THTPA: variants seen among roughly 807,000 people sequenced by gnomAD.
The protein encoded by THTPA is thiamine-triphosphatase.
THTPA carries 16 observed loss-of-function variants against 16.5 expected under a neutral mutation model. That is an observed-to-expected ratio of 0.97 (90% confidence interval 0.66 to 1.47). The LOEUF (loss-of-function observed/expected upper bound fraction) is 1.47. THTPA is among the 40% of genes most tolerant of loss of function. The pLI is 0.00. For synonymous variants in THTPA, 110 were observed against 115.5 expected (o/e 0.95, Z 0.30); for missense variants, 281 against 280.9 (o/e 1.00, Z 0.00).
the THTPA span, chr14:23,526,873 G>C: frequency 6.5e-7 from 1 of 1,533,798 alleles, no homozygotes; most frequent in Non-Finnish European, 8.7e-7. Context: ...GCTCGGTGTA[G>C]GCTCTGGCCC....
upstream of THTPA, among the ~76,000 whole-genome samples, chr14:23,554,717 T>C (rs1360414566): frequency 6.6e-6 from 1 of 151,924 alleles, no homozygotes; most frequent in East Asian, 1.9e-4. Flanking sequence ...CCAGTGTCCT[T>C]CTCCCTATAA....
chr14:23,536,105 C>T, the THTPA span, among the ~76,000 whole-genome samples: 1 of 152,186 alleles, frequency 6.6e-6, no homozygotes, highest in South Asian at 2.1e-4. Flanking sequence ...CGCTGAAATC[C>T]GGGCAGCACA....
upstream of THTPA, among the ~76,000 whole-genome samples, chr14:23,552,193 G>T (rs1378576388): frequency 6.6e-6 from 1 of 151,856 alleles, no homozygotes; most frequent in Non-Finnish European, 1.5e-5. Context: ...GAGAGCTTCT[G>T]CCTCCTCCAC....
At chr14:23,543,373 A>G in the THTPA span, 4 of 152,382 alleles carry the variant, frequency 2.6e-5, no homozygotes, top group South Asian at 2.1e-4. Flanking sequence ...GCCTGATGTC[A>G]GTACCTCTGC....
At chr14:23,531,501 T>C in the THTPA span, 4 of 1,439,104 alleles carry the variant, frequency 2.8e-6, no homozygotes, top group East Asian at 7.9e-5. Context: ...GAGCTGCCCG[T>C]GGCTGAAGCT....
chr14:23,546,243 G>A, the THTPA span, among the ~76,000 whole-genome samples: 16 of 152,306 alleles, frequency 1.1e-4, no homozygotes, highest in Non-Finnish European at 7.4e-5. This position sits in a 1 kb window ranked among gnomAD's most constrained non-coding sequence, Gnocchi z 4.7. Flanking sequence ...CGACATTCCA[G>A]TTGATGGTCC....
the THTPA span, chr14:23,533,441 G>C: frequency 5.2e-6 from 8 of 1,531,664 alleles, no homozygotes; most frequent in East Asian, 7.3e-5. The surrounding 1 kb of genome is among the most constrained non-coding windows in gnomAD (Gnocchi z 4.8). Context: ...AAGAGTTCAG[G>C]GGGGCTAGTG....
the THTPA span, chr14:23,531,844 C>A: frequency 5.0e-6 from 6 of 1,195,678 alleles, no homozygotes; most frequent in Non-Finnish European, 6.3e-6. Context: ...GTGGCATGAT[C>A]TCTACTCACT....
At chr14:23,523,543 A>C in the THTPA span, 5 of 1,536,748 alleles carry the variant, frequency 3.3e-6, no homozygotes, top group African/African-American at 2.7e-5. This position sits in a 1 kb window ranked among gnomAD's most constrained non-coding sequence, Gnocchi z 4.1. Flanking sequence ...TGCTGCCCCC[A>C]GTGCTCCCAG....
upstream of THTPA, among the ~76,000 whole-genome samples, chr14:23,552,288 A>ATTTT (rs891218317): frequency 7.5e-6 from 1 of 133,994 alleles, no homozygotes. Context: ...GTGCTCCTGA[A>ATTTT]TTTTTTTTTT....
chr14:23,524,377 G>A, the THTPA span: 8 of 1,536,196 alleles, frequency 5.2e-6, no homozygotes, highest in Non-Finnish European at 7.0e-6. This position sits in a 1 kb window ranked among gnomAD's most constrained non-coding sequence, Gnocchi z 5.6. Flanking sequence ...GCTTGTCCCT[G>A]GGGGGCTCGC....
At chr14:23,528,064 C>T in the THTPA span, among the ~76,000 whole-genome samples, 15 of 152,208 alleles carry the variant, frequency 9.9e-5, no homozygotes, top group East Asian at 9.7e-4. Context: ...TGTGCAACCA[C>T]GCCCAGCTAA....
At chr14:23,539,984 A>T in the THTPA span, among the ~76,000 whole-genome samples, 9 of 152,156 alleles carry the variant, frequency 5.9e-5, no homozygotes, top group African/African-American at 2.2e-4. Context: ...AGGGCCTTCC[A>T]AACAGTTGTT....
At chr14:23,544,928 C>T in the THTPA span, among the ~76,000 whole-genome samples, 2 of 152,040 alleles carry the variant, frequency 1.3e-5, no homozygotes, top group Non-Finnish European at 2.9e-5. Context: ...GTTCTTTTCC[C>T]TGGCCGTTTT....
chr14:23,553,335 C>T (rs1345053505), upstream of THTPA, among the ~76,000 whole-genome samples: 1 of 151,838 alleles, frequency 6.6e-6, no homozygotes, highest in Non-Finnish European at 1.5e-5. Context: ...CATGGTGGCT[C>T]ACTCCTGTAA....
At chr14:23,535,835 G>A in the THTPA span, among the ~76,000 whole-genome samples, 1 of 151,928 alleles carries the variant, frequency 6.6e-6, no homozygotes, top group Non-Finnish European at 1.5e-5. This position sits in a 1 kb window ranked among gnomAD's most constrained non-coding sequence, Gnocchi z 4.5. Context: ...CAAGTGATCC[G>A]CCCACCTCGG....
chr14:23,553,297 C>T (rs1020298924), upstream of THTPA, among the ~76,000 whole-genome samples: 1 of 152,174 alleles, frequency 6.6e-6, no homozygotes, highest in Non-Finnish European at 1.5e-5. Context: ...GCCACATTTT[C>T]TCAATGAAAA....
intron 1 of THTPA, among the ~76,000 whole-genome samples, chr14:23,558,394 C>T (rs116126673): frequency 2.6e-5 from 4 of 152,322 alleles, no homozygotes; most frequent in South Asian, 2.1e-4. Context: ...AATGAGCTGA[C>T]GCTGAGGCAT....
In THTPA at chr14:23,560,235, G is replaced by C. The variant is rs758012732; in HGVS notation, c.*1395G>C. 2.5e-6 allele frequency: 4 copies of C among 1,612,056 alleles called. No homozygotes were observed. Among genetic ancestry groups the C allele is most frequent in the Non-Finnish European group, 3.4e-6 (4 of 1,179,634 alleles). On this transcript the variant is annotated 3_prime_UTR_variant, in exon 2 of 2. Transcript: ENST00000288014. ...CTCCTGGAGTCCCCAGGCCACCTCT[G>C]AACTCTGATCTTTACAAACCTTGGG...
Sources: allele counts gnomAD v4.1 joint callset (sites outside exome capture counted in the v4.1 genomes callset), GRCh38; gene constraint gnomAD v4.1.1; non-coding constraint Gnocchi (gnomAD v3.1); transcripts MANE v1.5; gene names NCBI Gene and HGNC (gene_info 2026-07-23, HGNC 2026-07-21).